Variants in HSD17B4 observed in about 807,000 individuals in gnomAD.
HSD17B4 encodes the protein hydroxysteroid 17-beta dehydrogenase 4.
Under a neutral mutation model 101.0 loss-of-function variants are expected in HSD17B4, and 70 were observed. The ratio of observed to expected loss-of-function variants is 0.69; its 90% CI spans 0.57 to 0.85. The LOEUF is 0.85. HSD17B4 is among the 40% of genes least tolerant of loss of function. The pLI, the probability that HSD17B4 is intolerant of heterozygous loss-of-function variation, is 0.00. For missense variants in HSD17B4, 984 were observed against 892.4 expected (o/e 1.10, Z -1.31); for synonymous variants, 347 against 297.1 (o/e 1.17, Z -1.73).
chr5:119,538,254 T>A (rs563138899), intron 23 of HSD17B4, among the ~76,000 whole-genome samples: 1 of 152,302 alleles, frequency 6.6e-6, no homozygotes, highest in South Asian at 2.1e-4. Context: ...TCTGCCCTTC[T>A]GTATCCTTTC....
At chr5:119,541,802 A>C in intron 23 of HSD17B4, 103 bp from the exon 24 acceptor site, 1 of 733,964 alleles carries the variant, frequency 1.4e-6, no homozygotes, top group Non-Finnish European at 2.4e-6. Context: ...GTCCAGAATT[A>C]TTAGCTCAAT....
At position 119,502,588 on chromosome 5, in the gene HSD17B4, CTT is replaced by C. The variant is rs532585044; in HGVS notation, c.1261+499_1261+500del. Reference sequence around the variant, plus strand: ...AATATCTTACTTGTTTAGTAAATCTCTTTTAATTTTTTTCACTATAATTGGAT... The same window carrying C: ...AATATCTTACTTGTTTAGTAAATCTCTTAATTTTTTTCACTATAATTGGAT... On this transcript the variant is annotated intron_variant, in intron 14 of 23. Transcript: ENST00000510025. 3.9e-3 allele frequency among the ~76,000 whole-genome samples: 584 copies of C among 151,516 alleles called. 3 individuals carry two copies. Among genetic ancestry groups the C allele is most frequent in the African/African-American group, 0.014 (567 of 41,316 alleles).
At chr5:119,495,789 G>T (rs2126767071) in intron 11 of HSD17B4, 2 of 167,502 alleles carry the variant, frequency 1.2e-5, no homozygotes, top group South Asian at 2.4e-4. Flanking sequence ...TCCCACCTCA[G>T]CCTCCCAAGT....
At chr5:119,460,063 G>C (rs1755068173) in intron 2 of HSD17B4, among the ~76,000 whole-genome samples, 1 of 151,688 alleles carries the variant, frequency 6.6e-6, no homozygotes, top group Non-Finnish European at 1.5e-5. Flanking sequence ...TTTTAGTAGA[G>C]ATGGAGTTTC....
At chr5:119,473,456 C>A (rs1422607971) in intron 2 of HSD17B4, among the ~76,000 whole-genome samples, 1 of 150,986 alleles carries the variant, frequency 6.6e-6, no homozygotes, top group Admixed American at 6.6e-5. Context: ...GTAGCTGGGA[C>A]TACAGATACA....
intron 2 of HSD17B4, among the ~76,000 whole-genome samples, chr5:119,471,316 T>C (rs1756341927): frequency 6.6e-6 from 1 of 152,184 alleles, no homozygotes; most frequent in South Asian, 2.1e-4. Flanking sequence ...TTGTAACATT[T>C]TTATTTTCAG....
chr5:119,466,369 T>C (rs753362230), intron 2 of HSD17B4, among the ~76,000 whole-genome samples: 12 of 152,196 alleles, frequency 7.9e-5, no homozygotes, highest in Non-Finnish European at 1.5e-4. Context: ...TTTTTTGAAA[T>C]AGTTTGAGAG....
At chr5:119,500,302 A>G (rs1751040381) in intron 13 of HSD17B4, among the ~76,000 whole-genome samples, 1 of 152,080 alleles carries the variant, frequency 6.6e-6, no homozygotes, top group African/African-American at 2.4e-5. Context: ...GGATATGTAT[A>G]TATATATAGA....
At chr5:119,486,158 G>A (rs1749591845) in intron 8 of HSD17B4, among the ~76,000 whole-genome samples, 1 of 152,130 alleles carries the variant, frequency 6.6e-6, no homozygotes, top group African/African-American at 2.4e-5. Context: ...CAGAGCTAAC[G>A]ATTTGAAAGA....
chr5:119,525,834 T>C (rs993005146), intron 18 of HSD17B4, 83 bp from the exon 19 acceptor site: 1 of 820,512 alleles, frequency 1.2e-6, no homozygotes, highest in East Asian at 2.4e-5. Flanking sequence ...TCTAAGGACA[T>C]TTTTAAAGTC....
chr5:119,497,683 A>T (rs1750771235), intron 12 of HSD17B4, among the ~76,000 whole-genome samples: 1 of 152,348 alleles, frequency 6.6e-6, no homozygotes. Flanking sequence ...AATAATTTTG[A>T]AACTTTTTTC....
intron 14 of HSD17B4, among the ~76,000 whole-genome samples, chr5:119,505,991 T>C (rs1430605866): frequency 1.3e-5 from 2 of 152,194 alleles, no homozygotes; most frequent in African/African-American, 2.4e-5. Flanking sequence ...TGTTGAATTA[T>C]TTTTTCTAGT....
At chr5:119,489,387 CTA>C (rs1749897061) in intron 9 of HSD17B4, 104 bp downstream of exon 9, 3 of 777,574 alleles carry the variant, frequency 3.9e-6, no homozygotes, top group Non-Finnish European at 6.8e-6. Flanking sequence ...AATATTGTGT[CTA>C]TGTTATAATT....
chr5:119,503,108 GTGTGTGTA>G lies in HSD17B4; in HGVS notation c.1261+1023_1261+1030del, dbSNP rs1201533339. On this transcript the variant is annotated intron_variant, in intron 14 of 23. Coordinates refer to ENST00000510025, the MANE Select transcript of HSD17B4 (RefSeq NM_000414.4). ...TGTGTGTGTGTGTGTGTGTGTGTGT[GTGTGTGTA>G]TGTGTGCATGTATGTATGTGGTGGG... 1.3e-3 allele frequency among the ~76,000 whole-genome samples: 198 copies of G among 151,622 alleles called. 4 individuals carry two copies. The South Asian group carries it at 0.033, about 25-fold the overall frequency.
In HSD17B4 at chr5:119,527,122, CTT is replaced by C; in HGVS notation, c.1681-6_1681-5del. On this transcript the variant is annotated splice_polypyrimidine_tract_variant and intron_variant, in intron 19 of 23. Coordinates refer to ENST00000510025, the MANE Select transcript of HSD17B4 (RefSeq NM_000414.4). ...TTAAAACATTTTTAACCCCACAATTCTTTTTTAAAGGCTCGTTTTGCAAAACC... is the reference window on the plus strand; with the variant it reads ...TTAAAACATTTTTAACCCCACAATTCTTTTAAAGGCTCGTTTTGCAAAACC... 6.5e-7 allele frequency: 1 copy of C among 1,541,070 alleles called. No individual in the cohort carries two copies. Among genetic ancestry groups the C allele is most frequent in the Non-Finnish European group, 9.0e-7 (1 of 1,114,652 alleles).
chr5:119,507,029 C>G (rs144232278), intron 15 of HSD17B4, 140 bp downstream of exon 15: 3 of 546,350 alleles, frequency 5.5e-6, no homozygotes, highest in South Asian at 4.1e-5. Context: ...CATTTTTAAA[C>G]TCTTTAAGAA....
Position 119,493,866 on chromosome 5 carries a change from CA to C in HSD17B4, c.790del (p.Met264Ter). The C allele has an allele frequency of 1.2e-6, 2 of 1,612,944 alleles. No homozygotes were observed. Among genetic ancestry groups the C allele is most frequent in the Non-Finnish European group, 1.7e-6 (2 of 1,179,100 alleles). On this transcript the variant is annotated frameshift_variant, in exon 11 of 24. Coordinates refer to ENST00000510025, the MANE Select transcript of HSD17B4 (RefSeq NM_000414.4). LOFTEE classifies it high-confidence loss of function. Reference protein sequence around the residue: ...LGAIVRQKNHPMTPEAVKANW... With the variant: ...LGAIVRQKNHXMTPEAVKANW... ...GCTATTGTAAGACAAAAGAATCACC[CA>C]ATGACTCCTGAGGCAGTCAAGGCTA...
rs1179203968 is a variant in HSD17B4, at chr5:119,452,864, A to T, written c.58+231A>T. On this transcript the variant is annotated intron_variant, in intron 1 of 23. Transcript: ENST00000510025. Reference sequence around the variant, plus strand: ...CCAGCACCCCGGTGTGGGCTTCCCAAGGTCCTGCCTGAGAGGAGAGGCCAG... The same window carrying T: ...CCAGCACCCCGGTGTGGGCTTCCCATGGTCCTGCCTGAGAGGAGAGGCCAG... 1.1e-5 allele frequency: 17 copies of T among 1,535,306 alleles called. No homozygotes were observed. The Middle Eastern group carries it at 1.4e-3, about 125-fold the overall frequency.
chr5:119,529,932 T>C lies in HSD17B4; in HGVS notation c.1806T>C (p.Tyr602=), dbSNP rs2126889740. 2.5e-6 allele frequency: 4 copies of C among 1,611,142 alleles called. No homozygotes were observed. The highest frequency in any genetic ancestry group is 2.5e-6 in the Non-Finnish European group (3 of 1,177,812). The change falls in exon 21 of 24, where the codon TAT becomes TAC. Residue 602 remains tyrosine (Y), a synonymous_variant. Transcript: ENST00000510025. ...GAGACATTGTCATTTCAAATGCATA[T>C]GTGGATCTTGCACCAACATCTGGTA... is the stretch of plus-strand genomic sequence containing the variant. ...ETGDIVISNA[Y]VDLAPTSGTS...
Sources: allele counts gnomAD v4.1 joint callset (sites outside exome capture counted in the v4.1 genomes callset), GRCh38; gene constraint gnomAD v4.1.1; transcripts MANE v1.5; gene names NCBI Gene and HGNC (gene_info 2026-07-23, HGNC 2026-07-21).